CFAP65: variants seen among roughly 807,000 people sequenced by gnomAD.
The protein encoded by CFAP65 is cilia and flagella associated protein 65, also known as cilia- and flagella-associated protein 65.
A neutral mutation model predicts 208.0 loss-of-function variants in CFAP65; 155 were observed. The ratio of observed to expected loss-of-function variants is 0.75; its 90% CI spans 0.65 to 0.85. The LOEUF (loss-of-function observed/expected upper bound fraction) is 0.85, where lower values mean the gene tolerates loss of function less well. CFAP65 is among the 40% of genes least tolerant of loss of function. CFAP65 has a pLI of 0.00. For missense variants in CFAP65, 2,294 were observed against 2,451.3 expected (o/e 0.94, Z 1.36); for synonymous variants, 970 against 986.3 (o/e 0.98, Z 0.31).
Position 219,009,941 on chromosome 2 carries a change from C to A in CFAP65, c.4452+1G>T. On this transcript the variant is annotated splice_donor_variant, in intron 27 of 34. Coordinates refer to ENST00000341552, the MANE Select transcript of CFAP65 (RefSeq NM_194302.4). LOFTEE classifies it high-confidence loss of function. ...GGTTCCAGGGCTCAGGGGACTCTCA[C>A]CTCCCCAAAATCTAGAGGACTTGGC... The A allele has an allele frequency of 6.2e-7, 1 of 1,606,924 alleles. No homozygotes were observed. Among genetic ancestry groups the A allele is most frequent in the Non-Finnish European group, 8.5e-7 (1 of 1,177,134 alleles).
chr2:219,009,482 C>G (rs771503654), intron 27 of CFAP65, 22 bp from the exon 28 acceptor site: 22 of 1,530,108 alleles, frequency 1.4e-5, no homozygotes, highest in Non-Finnish European at 1.9e-5. Context: ...GGGAAGGAGT[C>G]TCTGGAGATT....
rs780795366 is a variant in CFAP65 at position 219,028,293 on chromosome 2, G to C, written c.1759C>G (p.Leu587Val). The C allele has an allele frequency of 4.3e-6, 7 of 1,614,142 alleles. No individual in the cohort carries two copies. In the South Asian group the frequency reaches 6.6e-5, roughly 15 times the overall value. Residue 587 changes from leucine (L) to valine (V), a missense_variant, in exon 12 of 35, where the codon CTG becomes GTG. Around this residue, in one of 2 missense-constraint regions of CFAP65, gnomAD observed 867 missense variants for 1,012.6 expected, o/e 0.86. Transcript: ENST00000341552. ...AGGATGTCAGGGGGGTAGAGCGTCA[G>C]GCCCCGGGCCAGGTGTGTGCGGTAC... Reference protein sequence around the residue: ...TWYRTHLARGLTLYPPDILDA... With the variant: ...TWYRTHLARGVTLYPPDILDA...
Position 219,013,283 on chromosome 2 carries a change from A to T in CFAP65, c.3933T>A (p.Ile1311=). 1 of 1,613,812 alleles carries T rather than the reference A, an allele frequency of 6.2e-7. No individual in the cohort carries two copies. Among genetic ancestry groups the T allele is most frequent in the Non-Finnish European group, 8.5e-7 (1 of 1,179,842 alleles). Residue 1311 remains isoleucine (I), a synonymous_variant, in exon 24 of 35, where the codon ATT becomes ATA. Coordinates refer to ENST00000341552, the MANE Select transcript of CFAP65 (RefSeq NM_194302.4). The part of the protein sequence containing the change: ...STTHQFIPIP[I]GDTLPPRQIY... Reference sequence around the variant, plus strand: ...CCTGCCGTGGGGGTAGCGTGTCACCAATGGGAATGGGGATGAACTGGTGGG... The same window carrying T: ...CCTGCCGTGGGGGTAGCGTGTCACCTATGGGAATGGGGATGAACTGGTGGG...
chr2:219,033,942 A>C (rs1948204670), intron 5 of CFAP65: 1 of 152,238 alleles, frequency 6.6e-6, no homozygotes, highest in East Asian at 1.9e-4. Context: ...TAATACCTAT[A>C]TAAAAATGAC....
At chr2:219,016,953 T>C (rs569821485) in intron 21 of CFAP65, among the ~76,000 whole-genome samples, 4 of 152,378 alleles carry the variant, frequency 2.6e-5, no homozygotes, top group African/African-American at 9.6e-5. Context: ...GCCCTCTGTC[T>C]GGAAGGCGCT....
rs761501435 is a variant in CFAP65 at position 219,021,255 on chromosome 2, C to A, written c.3156G>T (p.Gly1052=). ...PLALQLDRTE[G]SMPPRSQDTI... ...TGTCCTGGGACCGGGGTGGCATGCT[C>A]CCCTCTGTTCGGTCCAGCTGCAGAG... is the stretch of plus-strand genomic sequence containing the variant. The change falls in exon 19 of 35, where the codon GGG becomes GGT. Residue 1052 remains glycine, a synonymous_variant. Coordinates refer to ENST00000341552, the MANE Select transcript of CFAP65 (RefSeq NM_194302.4). 6.2e-7 allele frequency: 1 copy of A among 1,602,972 alleles called. No individual in the cohort carries two copies. Among genetic ancestry groups the A allele is most frequent in the Non-Finnish European group, 8.5e-7 (1 of 1,174,412 alleles).
At chr2:219,026,928 C>T (rs755000669) in intron 13 of CFAP65, 13 of 986,068 alleles carry the variant, frequency 1.3e-5, no homozygotes, top group African/African-American at 5.2e-5. Flanking sequence ...CTCAAAAGAT[C>T]GGACGTGGTC....
intron 13 of CFAP65, chr2:219,026,643 A>T: frequency 4.4e-6 from 1 of 229,878 alleles, no homozygotes; most frequent in Non-Finnish European, 7.1e-6. Context: ...GGTATTTTAC[A>T]TTCTTTTCAT....
rs770610595 is a variant in CFAP65 at position 219,031,150 on chromosome 2, C to T, written c.971G>A (p.Gly324Glu). ...IYEVQATCWY[G>E]AGSRQRSSIQ... ...GCTGCTCCTCTGCCGGCTGCCCGCC[C>T]CGTACCAGCACGTGGCCTGCACCTC... Residue 324 changes from glycine to glutamate, a missense_variant, in exon 8 of 35, where the codon GGG becomes GAG. By Grantham distance (98) the Gly-to-Glu change is moderately conservative. This residue lies in a region of CFAP65 where 867 missense variants were observed against 1,012.6 expected (regional missense o/e 0.86). Coordinates refer to ENST00000341552, the MANE Select transcript of CFAP65 (RefSeq NM_194302.4). The surrounding 1 kb of genome is among the most constrained non-coding windows in gnomAD (Gnocchi z 5.2). The T allele has an allele frequency of 6.8e-6, 11 of 1,606,448 alleles. No individual in the cohort carries two copies. In the East Asian group the frequency reaches 2.0e-4, roughly 29 times the overall value.
chr2:219,029,350 G>T, intron 11 of CFAP65, 53 bp downstream of exon 11: 1 of 1,572,204 alleles, frequency 6.4e-7, no homozygotes, highest in South Asian at 1.2e-5. Flanking sequence ...CATCATCAGT[G>T]GGCCCCAGGG....
intron 5 of CFAP65, among the ~76,000 whole-genome samples, chr2:219,033,396 A>G (rs1948169696): frequency 1.3e-5 from 2 of 152,110 alleles, no homozygotes. Context: ...GGATTGCTTG[A>G]GCCTAGGAGG....
rs757583948 is a variant in CFAP65, at chr2:219,010,685, A to T, written c.4169T>A (p.Ile1390Asn). 1 of 1,609,854 alleles carries T rather than the reference A, an allele frequency of 6.2e-7. No individual in the cohort carries two copies. Among genetic ancestry groups the T allele is most frequent in the Non-Finnish European group, 8.5e-7 (1 of 1,178,548 alleles). The stretch of plus-strand genomic sequence containing the variant: ...GATGAGGGCCGAGTTCCATCCCAGG[A>T]TGTGTATGGGCACGTCCACCTGGGG... ...KTYTVDVPIH[I>N]LGWNSALIHF... The change falls in exon 26 of 35, where the codon ATC becomes AAC. Residue 1390 changes from isoleucine (I) to asparagine (N), a missense_variant. Ile to Asn is a moderately radical substitution (Grantham distance 149). Around this residue, in one of 2 missense-constraint regions of CFAP65, gnomAD observed 1,427 missense variants for 1,438.7 expected, o/e 0.99. Coordinates refer to ENST00000341552, the MANE Select transcript of CFAP65 (RefSeq NM_194302.4).
Position 219,003,888 on chromosome 2 carries a change from C to T in CFAP65, c.5555+64G>A, listed in dbSNP as rs1177846082. On this transcript the variant is annotated intron_variant, in intron 33 of 34. Transcript: ENST00000341552. The surrounding 1 kb of genome is among the most constrained non-coding windows in gnomAD (Gnocchi z 4.4). Reference sequence around the variant, plus strand: ...GGCAGCAGCCATCCTTGGCATCCCACTGCCTCCTAGGAACCTTCTGCACTT... The same window carrying T: ...GGCAGCAGCCATCCTTGGCATCCCATTGCCTCCTAGGAACCTTCTGCACTT... The T allele has an allele frequency of 5.2e-6, 8 of 1,550,826 alleles. No individual in the cohort carries two copies. In the East Asian group the frequency reaches 1.6e-4, roughly 31 times the overall value.
At chr2:219,023,086 G>T in intron 16 of CFAP65, 121 bp downstream of exon 16, 4 of 787,696 alleles carry the variant, frequency 5.1e-6, no homozygotes, top group Admixed American at 2.2e-5. Context: ...ATCGCCAGGT[G>T]GGGGAAGTTA....
intron 17 of CFAP65, 52 bp from the exon 18 acceptor site, chr2:219,021,982 C>A (rs1419539387): frequency 2.5e-6 from 4 of 1,602,770 alleles, no homozygotes; most frequent in Non-Finnish European, 3.4e-6. Context: ...AGGCCCACAG[C>A]CCCACTCTCC....
Position 219,035,663 on chromosome 2 carries a change from G to T in CFAP65, c.359C>A (p.Pro120His), listed in dbSNP as rs746454817. 6.2e-7 allele frequency: 1 copy of T among 1,611,174 alleles called. No homozygotes were observed. Among genetic ancestry groups the T allele is most frequent in the Non-Finnish European group, 8.5e-7 (1 of 1,178,106 alleles). The change falls in exon 5 of 35, where the codon CCC becomes CAC. Residue 120 changes from proline to histidine, a missense_variant and splice_region_variant. Pro to His is a moderately conservative substitution (Grantham distance 77, BLOSUM62 -2). This residue lies in a region of CFAP65 where 867 missense variants were observed against 1,012.6 expected (regional missense o/e 0.86). Coordinates refer to ENST00000341552, the MANE Select transcript of CFAP65 (RefSeq NM_194302.4). ...CATCTGAGTGTCCATGGAGCTTGCG[G>T]GCTGTTCAGGTGGCAGGGAGAAGGG... is the stretch of plus-strand genomic sequence containing the variant. ...MSACSTISAQPASSMDTQMHS... is the reference protein window; with the variant it reads ...MSACSTISAQHASSMDTQMHS...
At chr2:219,005,984 G>A (rs1945942940) in intron 31 of CFAP65, 37 bp downstream of exon 31, 3 of 1,594,830 alleles carry the variant, frequency 1.9e-6, no homozygotes, top group South Asian at 1.1e-5. Context: ...GGGACAGAGA[G>A]AAGAGGAAGG....
At chr2:219,017,811 G>A (rs1208617552) in intron 21 of CFAP65, among the ~76,000 whole-genome samples, 2 of 152,194 alleles carry the variant, frequency 1.3e-5, no homozygotes, top group Non-Finnish European at 2.9e-5. Context: ...CCTGGCTCCG[G>A]GCCCACTCAA....
At chr2:219,036,540 G>A (rs1018161130) in intron 4 of CFAP65, among the ~76,000 whole-genome samples, 52 of 151,786 alleles carry the variant, frequency 3.4e-4, no homozygotes, top group Admixed American at 2.6e-4. Context: ...TGCCTCCCAG[G>A]TTCAAGTGAT....
Sources: gnomAD v4.1 joint callset for allele counts (sites outside exome capture counted in the v4.1 genomes callset) on GRCh38, gnomAD v4.1.1 for gene constraint, gnomAD v4.1.1 regional missense constraint, Gnocchi (gnomAD v3.1) non-coding constraint, MANE v1.5 for transcripts, NCBI Gene and HGNC (gene_info 2026-07-23, HGNC 2026-07-21) for gene names.